Variants in AFAP1 observed in about 807,000 individuals in gnomAD.
The protein encoded by AFAP1 is actin filament-associated protein 1.
AFAP1 carries 75 observed loss-of-function variants against 93.9 expected under a neutral mutation model. That is an observed-to-expected ratio of 0.80 (90% confidence interval 0.66 to 0.97). AFAP1 has a LOEUF of 0.97. Among genes scored for constraint, AFAP1 ranks in the 50% least tolerant of loss-of-function variants. The probability of loss-of-function intolerance (pLI) is 0.00; values close to 1 mark genes in which losing one functional copy is unlikely to be tolerated. For missense variants in AFAP1, 1,201 were observed against 1,050.8 expected, an observed-to-expected ratio of 1.14 and a Z score of -1.98; for synonymous variants, 517 against 430.7, an observed-to-expected ratio of 1.20 and a Z score of -2.48.
At chr4:7,931,910 G>T (rs971478550) in intron 1 of AFAP1, among the ~76,000 whole-genome samples, 3 of 151,952 alleles carry the variant, frequency 2.0e-5, no homozygotes, top group Non-Finnish European at 4.4e-5. Context: ...GCCCAGGCTG[G>T]AGTGCAGTGG....
intron 9 of AFAP1, among the ~76,000 whole-genome samples, chr4:7,801,913 A>C (rs28620039): frequency 1.1e-5 from 1 of 89,682 alleles, no homozygotes; most frequent in Non-Finnish European, 2.3e-5. Context: ...AGACCCTATC[A>C]CAAAAAAAAA....
intron 4 of AFAP1, among the ~76,000 whole-genome samples, chr4:7,848,890 G>A (rs1439361252): frequency 1.3e-5 from 2 of 152,118 alleles, no homozygotes; most frequent in Admixed American, 1.3e-4. Flanking sequence ...ATTTTTAACT[G>A]TAAAATGTTT....
intron 1 of AFAP1, among the ~76,000 whole-genome samples, chr4:7,916,063 C>A (rs988555190): frequency 6.6e-6 from 1 of 152,158 alleles, no homozygotes; most frequent in African/African-American, 2.4e-5. Context: ...GGCACTTCCT[C>A]GGCTGGCTTC....
chr4:7,870,036 C>T (rs1577320875), intron 2 of AFAP1, among the ~76,000 whole-genome samples: 4 of 152,274 alleles, frequency 2.6e-5, no homozygotes, highest in Admixed American at 6.5e-5. Context: ...CAATACCTGA[C>T]GTGTTTACTA....
At position 7,759,003 on chromosome 4, in the gene AFAP1, C is replaced by T. The variant is rs1713397348; in HGVS notation, c.*4762G>A. 6.6e-6 allele frequency: 1 copy of T among 152,590 alleles called. No individual in the cohort carries two copies. The highest frequency in any genetic ancestry group is 1.9e-4 in the East Asian group (1 of 5,192). The allele number at this position is 152,590 out of a possible 1,614,324, so 9.5% of individuals were successfully genotyped here. ...TAAAAAAATCTTTGCTGTTTCTTTGCCTGTTTCTTTCAAAGAGAATTTTAA... is the reference window on the plus strand; with the variant it reads ...TAAAAAAATCTTTGCTGTTTCTTTGTCTGTTTCTTTCAAAGAGAATTTTAA... On this transcript the variant is annotated 3_prime_UTR_variant, in exon 18 of 18. Transcript: ENST00000420658.
chr4:7,819,211 CAG>C, intron 6 of AFAP1, 40 bp from the exon 7 acceptor site: 1 of 1,546,666 alleles, frequency 6.5e-7, no homozygotes, highest in Non-Finnish European at 8.8e-7. Context: ...TGCCCAAAGG[CAG>C]AGATACTTAA....
intron 1 of AFAP1, among the ~76,000 whole-genome samples, chr4:7,882,365 G>A (rs745510808): frequency 6.7e-6 from 1 of 149,892 alleles, no homozygotes; most frequent in Non-Finnish European, 1.5e-5. Context: ...AATTGTTCCA[G>A]AGGATAAAAT....
At chr4:7,872,231 C>T (rs1717117368) in intron 1 of AFAP1, 151 bp from the exon 2 acceptor site, 3 of 926,390 alleles carry the variant, frequency 3.2e-6, no homozygotes, top group Admixed American at 3.0e-5. Context: ...AAAGCAGGTC[C>T]ACTAAAAGAT....
intron 1 of AFAP1, among the ~76,000 whole-genome samples, chr4:7,876,523 G>A (rs1577327387): frequency 6.6e-6 from 1 of 152,128 alleles, no homozygotes; most frequent in African/African-American, 2.4e-5. Flanking sequence ...CAAGTACACG[G>A]GTGCAAAGGA....
intron 16 of AFAP1, among the ~76,000 whole-genome samples, chr4:7,769,422 C>T (rs1715092998): frequency 1.3e-5 from 2 of 152,198 alleles, no homozygotes; most frequent in Non-Finnish European, 2.9e-5. Flanking sequence ...CAGAAAGTGG[C>T]GGCACTCACG....
chr4:7,892,917 C>T lies in AFAP1; in HGVS notation c.-2-20837G>A, dbSNP rs114843830. ...CCTCCTTGAGATGGCAGAGGGCAGA[C>T]GGAGAAAAAGACCATCAAGAGAACA... On this transcript the variant is annotated intron_variant, in intron 1 of 17. Coordinates refer to ENST00000420658, the MANE Select transcript of AFAP1 (RefSeq NM_001134647.2). Among the ~76,000 whole-genome samples, 11 of 152,108 alleles carry T rather than the reference C, an allele frequency of 7.2e-5. No homozygotes were observed. The East Asian group carries it at 1.7e-3, about 24-fold the overall frequency.
rs1720732911 is a variant in AFAP1 at position 7,819,058 on chromosome 4, C to G, written c.822+18G>C. 6.3e-7 allele frequency: 1 copy of G among 1,580,290 alleles called. No homozygotes were observed. Among genetic ancestry groups the G allele is most frequent in the Non-Finnish European group, 8.6e-7 (1 of 1,163,916 alleles). On this transcript the variant is annotated intron_variant, in intron 7 of 17. Coordinates refer to ENST00000420658, the MANE Select transcript of AFAP1 (RefSeq NM_001134647.2). ...CTGCAAGGTCACCGTCCCCACCCAG[C>G]AAGAGCAGCGCCCTTACCTTCTCCA...
At position 7,766,025 on chromosome 4, in the gene AFAP1, C is replaced by CTCCGCA. The variant is rs1182446852; in HGVS notation, c.2419-2240_2419-2235dup. ...ACTGGGTCATGAGTACACTGCACGTCTCCGCATGCTGCATACAATGAACAA... is the reference window on the plus strand; with the variant it reads ...ACTGGGTCATGAGTACACTGCACGTCTCCGCATCCGCATGCTGCATACAATGAACAA... On this transcript the variant is annotated intron_variant, in intron 17 of 17. Transcript: ENST00000420658. Among the ~76,000 whole-genome samples the CTCCGCA allele has an allele frequency of 5.9e-5, 9 of 152,342 alleles. 1 individual carries two copies. Among genetic ancestry groups the CTCCGCA allele is most frequent in the African/African-American group, 2.2e-4 (9 of 41,572 alleles).
intron 9 of AFAP1, 102 bp from the exon 10 acceptor site, chr4:7,800,755 T>A: frequency 1.8e-6 from 2 of 1,116,008 alleles, no homozygotes; most frequent in Non-Finnish European, 2.7e-6. Flanking sequence ...GGAGTGTGGA[T>A]AAAACAAATC....
At chr4:7,879,788 C>A (rs1560217095) in intron 1 of AFAP1, among the ~76,000 whole-genome samples, 1 of 150,090 alleles carries the variant, frequency 6.7e-6, no homozygotes, top group South Asian at 2.1e-4. Context: ...ACCTCACACT[C>A]CCAAACAGCT....
chr4:7,783,177 T>C (rs112663461), intron 12 of AFAP1, among the ~76,000 whole-genome samples: 1 of 152,176 alleles, frequency 6.6e-6, no homozygotes, highest in South Asian at 2.1e-4. Flanking sequence ...TCTTGCTCTG[T>C]TGCCCAGGCT....
In AFAP1 at chr4:7,909,259, T is replaced by C. The variant is rs139675729; in HGVS notation, c.-3+30397A>G. Reference sequence around the variant, plus strand: ...ACCCCTTGTCATCCCATTTCATAGATGAAAGTCAGGTTTATATAAGTTTAA... The same window carrying C: ...ACCCCTTGTCATCCCATTTCATAGACGAAAGTCAGGTTTATATAAGTTTAA... On this transcript the variant is annotated intron_variant, in intron 1 of 17. Transcript: ENST00000420658. 1.4e-4 allele frequency among the ~76,000 whole-genome samples: 21 copies of C among 152,308 alleles called. No individual in the cohort carries two copies. In the East Asian group the frequency reaches 3.9e-3, roughly 28 times the overall value.
chr4:7,848,056 G>A (rs1011382005), intron 4 of AFAP1, among the ~76,000 whole-genome samples: 3 of 150,882 alleles, frequency 2.0e-5, no homozygotes, highest in Non-Finnish European at 4.4e-5. Flanking sequence ...TGGATGGACA[G>A]GTGGATGGGT....
intron 1 of AFAP1, among the ~76,000 whole-genome samples, chr4:7,876,712 T>A (rs906689043): frequency 2.6e-5 from 4 of 152,198 alleles, no homozygotes; most frequent in Admixed American, 6.5e-5. Context: ...CCAAGAAATA[T>A]TTGTATCATT....
Sources: gnomAD v4.1 joint callset for allele counts (sites outside exome capture counted in the v4.1 genomes callset) on GRCh38, gnomAD v4.1.1 for gene constraint, MANE v1.5 for transcripts, NCBI Gene and HGNC (gene_info 2026-07-23, HGNC 2026-07-21) for gene names.